ZNF536: variants seen among roughly 807,000 people sequenced by gnomAD.
ZNF536 encodes the protein zinc finger protein 536.
In ZNF536, 13 loss-of-function variants were observed where a neutral mutation model predicts 84.5. The observed-to-expected ratio is 0.15, with a 90% CI of 0.10 to 0.24. The LOEUF (loss-of-function observed/expected upper bound fraction) is 0.24. Among genes scored for constraint, ZNF536 ranks in the 10% least tolerant of loss-of-function variants. ZNF536 has a pLI of 1.00. For missense variants in ZNF536, 1,536 were observed against 1,747.5 expected, an observed-to-expected ratio of 0.88 and a Z score of 2.16; for synonymous variants, 811 against 742.5, an observed-to-expected ratio of 1.09 and a Z score of -1.50.
chr19:30,333,290 T>C lies in ZNF536; in HGVS notation c.-119-19078T>C, dbSNP rs552727769. Among the ~76,000 whole-genome samples the C allele has an allele frequency of 3.9e-5, 6 of 152,346 alleles. No homozygotes were observed. The East Asian group carries it at 1.2e-3, about 29-fold the overall frequency. On this transcript the variant is annotated intron_variant, in intron 2 of 5. Transcript: ENST00000585628. ...GTGGCCACAGTCCCAGCTTCATCTC[T>C]GAAGGACTGTGGATCCCAGACACAG...
Position 30,548,998 on chromosome 19 carries a change from T to G in ZNF536, c.3379T>G (p.Ser1127Ala). ...VYPGMVGSGA[S>A]SSCPNKEPDG... Reference sequence around the variant, plus strand: ...CCCAGGCATGGTTGGCTCAGGGGCCTCCAGTTCCTGCCCCAACAAGGAGCC... The same window carrying G: ...CCCAGGCATGGTTGGCTCAGGGGCCGCCAGTTCCTGCCCCAACAAGGAGCC... Residue 1127 changes from serine (S) to alanine (A), a missense_variant, in exon 4 of 5, where the codon TCC (serine) becomes GCC (alanine). Transcript: ENST00000355537. 1 of 1,614,090 alleles carries G rather than the reference T, an allele frequency of 6.2e-7. No homozygotes were observed. The highest frequency in any genetic ancestry group is 1.1e-5 in the South Asian group (1 of 91,070).
chr19:30,629,359 C>T (rs2048804842), intron 1 of ZNF536, among the ~76,000 whole-genome samples: 1 of 152,078 alleles, frequency 6.6e-6, no homozygotes, highest in Non-Finnish European at 1.5e-5. Context: ...ATCACCGTGC[C>T]TTTCCAATTT....
intron 1 of ZNF536, among the ~76,000 whole-genome samples, chr19:30,279,515 T>C (rs1310732252): frequency 1.3e-5 from 2 of 152,218 alleles, no homozygotes; most frequent in Admixed American, 1.3e-4. Flanking sequence ...AATCACTCAG[T>C]GCTTGGAGAA....
chr19:30,337,745 G>A (rs1306466625), intron 2 of ZNF536, among the ~76,000 whole-genome samples: 4 of 152,174 alleles, frequency 2.6e-5, no homozygotes, highest in Non-Finnish European at 5.9e-5. Context: ...ACCTTTCTGA[G>A]CCTCAGTTTC....
At chr19:30,429,635 C>A (rs534498931) in intron 1 of ZNF536, among the ~76,000 whole-genome samples, 1 of 152,302 alleles carries the variant, frequency 6.6e-6, no homozygotes, top group East Asian at 1.9e-4. Context: ...TGCATCGTCT[C>A]TTTGGGTGGA....
intron 3 of ZNF536, among the ~76,000 whole-genome samples, chr19:30,545,003 T>A (rs1008263230): frequency 1.3e-5 from 2 of 152,168 alleles, no homozygotes; most frequent in African/African-American, 4.8e-5. Flanking sequence ...CCATTCATGG[T>A]TCCCACTTCA....
intron 1 of ZNF536, among the ~76,000 whole-genome samples, chr19:30,649,714 G>A (rs1292569148): frequency 6.6e-6 from 1 of 152,110 alleles, no homozygotes; most frequent in Non-Finnish European, 1.5e-5. Context: ...TTCTTTTGAA[G>A]CCCGAGAGTC....
intron 1 of ZNF536, among the ~76,000 whole-genome samples, chr19:30,573,585 A>G (rs1345435773): frequency 6.6e-6 from 1 of 151,922 alleles, no homozygotes; most frequent in African/African-American, 2.4e-5. Flanking sequence ...CCATCCTCCA[A>G]CTCCCCCAAG....
At chr19:30,322,964 G>C (rs1315223417) in intron 2 of ZNF536, among the ~76,000 whole-genome samples, 1 of 152,206 alleles carries the variant, frequency 6.6e-6, no homozygotes, top group Non-Finnish European at 1.5e-5. Context: ...ACACCATGTT[G>C]GCAGAGGTAC....
chr19:30,459,836 A>T (rs1266902873), intron 2 of ZNF536, among the ~76,000 whole-genome samples: 1 of 152,166 alleles, frequency 6.6e-6, no homozygotes, highest in Non-Finnish European at 1.5e-5. Flanking sequence ...TGTCCTAGGC[A>T]GGCAGCTTTC....
intron 2 of ZNF536, among the ~76,000 whole-genome samples, chr19:30,305,190 T>C (rs931807517): frequency 2.6e-5 from 4 of 152,072 alleles, no homozygotes; most frequent in African/African-American, 9.7e-5. Flanking sequence ...CCCACTGTAG[T>C]TGAGTAGTTG....
intron 3 of ZNF536, among the ~76,000 whole-genome samples, chr19:30,355,238 G>A (rs1252000193): frequency 6.6e-6 from 1 of 152,110 alleles, no homozygotes; most frequent in Non-Finnish European, 1.5e-5. Context: ...GAGCATCACA[G>A]GGTGAGAGAG....
At chr19:30,646,947 G>A (rs2049495927) in intron 1 of ZNF536, among the ~76,000 whole-genome samples, 1 of 151,968 alleles carries the variant, frequency 6.6e-6, no homozygotes, top group Admixed American at 6.6e-5. Context: ...TCATAGTAAT[G>A]CTCACAAGTA....
chr19:30,296,841 G>A (rs2046012057), intron 2 of ZNF536, among the ~76,000 whole-genome samples: 1 of 152,196 alleles, frequency 6.6e-6, no homozygotes, highest in Non-Finnish European at 1.5e-5. Flanking sequence ...GGGGATGGCA[G>A]CATCCTTTCG....
At chr19:30,624,983 T>G (rs57590843) in intron 1 of ZNF536, among the ~76,000 whole-genome samples, 22,098 of 152,198 alleles carry the variant, frequency 0.15, 1,708 homozygotes, top group African/African-American at 0.19. Flanking sequence ...GCCATGATTG[T>G]AAGTTTCCTG....
At position 30,685,628 on chromosome 19, in the gene ZNF536, G is replaced by A. The variant is rs369912547; in HGVS notation, c.170-25129G>A. On this transcript the variant is annotated intron_variant, in intron 1 of 1. Coordinates refer to the ZNF536 transcript ENST00000592773. ...AAAAAATAAATGCCATAAAAATCAT[G>A]GCTTCTCTGGACCTCTGGCTTCAAT... Among the ~76,000 whole-genome samples the A allele has an allele frequency of 2.6e-5, 4 of 152,256 alleles. No homozygotes were observed. In the East Asian group the frequency reaches 7.7e-4, roughly 29 times the overall value.
chr19:30,443,730 C>T lies in ZNF536; in HGVS notation c.168C>T (p.Pro56=), dbSNP rs769962850. The change falls in exon 2 of 5, where the codon CCC becomes CCT. Residue 56 remains proline (P), a synonymous_variant. Transcript: ENST00000355537. ...AFPELHPRPN[P]EEKPPASLEE... ...CCGAGCTCCATCCCCGGCCCAACCC[C>T]GAGGAGAAGCCCCCCGCATCCCTGG... The T allele has an allele frequency of 6.2e-7, 1 of 1,613,126 alleles. No homozygotes were observed. The highest frequency in any genetic ancestry group is 8.5e-7 in the Non-Finnish European group (1 of 1,179,678).
intron 2 of ZNF536, among the ~76,000 whole-genome samples, chr19:30,505,820 C>T (rs928913738): frequency 8.6e-5 from 13 of 151,886 alleles, no homozygotes; most frequent in African/African-American, 2.9e-4. Flanking sequence ...CATGCGCCAA[C>T]GCACCCGGCT....
intron 1 of ZNF536, among the ~76,000 whole-genome samples, chr19:30,404,260 T>C (rs947401555): frequency 3.9e-5 from 6 of 152,152 alleles, no homozygotes; most frequent in Non-Finnish European, 8.8e-5. Flanking sequence ...GAGCCCAGAC[T>C]CCCCAAGGAA....
Sources: allele counts gnomAD v4.1 joint callset (sites outside exome capture counted in the v4.1 genomes callset), GRCh38; gene constraint gnomAD v4.1.1; transcripts MANE v1.5; gene names NCBI Gene and HGNC (gene_info 2026-07-23, HGNC 2026-07-21).